CSF1R: variants seen among roughly 807,000 people sequenced by gnomAD.
The protein encoded by CSF1R is macrophage colony-stimulating factor 1 receptor.
In CSF1R, 40 loss-of-function variants were observed where a neutral mutation model predicts 110.0. The observed-to-expected ratio is 0.36, with a 90% CI of 0.28 to 0.47. The LOEUF is 0.47. Ranked by LOEUF, CSF1R falls within the 20% of genes least tolerant of loss-of-function variation. CSF1R has a pLI of 0.99. For synonymous variants in CSF1R, 523 were observed against 503.4 expected, an observed-to-expected ratio of 1.04 and a Z score of -0.52; for missense variants, 1,052 against 1,253.0, an observed-to-expected ratio of 0.84 and a Z score of 2.42.
At chr5:150,094,893 G>A in intron 1 of CSF1R, 1 of 1,254,804 alleles carries the variant, frequency 8.0e-7, no homozygotes, top group Admixed American at 1.9e-5. Context: ...CTATACTGTT[G>A]GAAAACGCTT....
intron 3 of CSF1R, among the ~76,000 whole-genome samples, chr5:150,078,987 C>T (rs569454831): frequency 3.3e-5 from 5 of 152,310 alleles, no homozygotes; most frequent in South Asian, 2.1e-4. Flanking sequence ...ATGTCAAATC[C>T]GTGACAGGAA....
chr5:150,099,043 GCCACC>G (rs1246196415), intron 1 of CSF1R, among the ~76,000 whole-genome samples: 1 of 149,088 alleles, frequency 6.7e-6, no homozygotes, highest in Non-Finnish European at 1.5e-5. Context: ...GCAGGTGCCC[GCCACC>G]ACACCCAGCT....
chr5:150,111,739 C>T (rs1209266769), intron 1 of CSF1R, among the ~76,000 whole-genome samples: 1 of 152,208 alleles, frequency 6.6e-6, no homozygotes, highest in African/African-American at 2.4e-5. Flanking sequence ...GGGCAAGTCA[C>T]TTCAAAACCT....
rs781384790 is a variant in CSF1R at position 150,061,603 on chromosome 5, G to T, written c.1754-8C>A. On this transcript the variant is annotated splice_polypyrimidine_tract_variant and splice_region_variant and intron_variant, in intron 11 of 20. Transcript: ENST00000675795. ...CAGCTCCGAGGGTCTTACCTGCCACGCACACAGGTCCCTTAAGTCCCTGGG... is the reference window on the plus strand; with the variant it reads ...CAGCTCCGAGGGTCTTACCTGCCACTCACACAGGTCCCTTAAGTCCCTGGG... 2.5e-6 allele frequency: 4 copies of T among 1,613,834 alleles called. No individual in the cohort carries two copies. Among genetic ancestry groups the T allele is most frequent in the Non-Finnish European group, 3.4e-6 (4 of 1,179,982 alleles).
chr5:150,070,546 G>T lies in CSF1R; in HGVS notation c.1108C>A (p.Arg370Ser), dbSNP rs1315261761. Residue 370 changes from arginine to serine, a missense_variant, in exon 7 of 21, where the codon CGC becomes AGC. By Grantham distance (110) the Arg-to-Ser change is moderately radical (BLOSUM62 -1). Transcript: ENST00000675795. ...YRHTFTLSLPRLKPSEAGRYS... is the reference protein window; with the variant it reads ...YRHTFTLSLPSLKPSEAGRYS... ...CGGCCAGCCTCAGAGGGCTTCAGGC[G>T]GGGCAGAGAGAGGGTGAAGGTGTGC... 3 of 1,544,410 alleles carry T rather than the reference G, an allele frequency of 1.9e-6. No homozygotes were observed. The Admixed American group carries it at 6.1e-5, about 31-fold the overall frequency.
intron 14 of CSF1R, chr5:150,058,019 C>A: frequency 5.6e-6 from 2 of 360,082 alleles, no homozygotes; most frequent in South Asian, 2.1e-5. Context: ...ACTTCGGGAG[C>A]TTTTAGGATC....
rs544779248 is a variant in CSF1R, at chr5:150,079,994, C to T, written c.592+58G>A. Reference sequence around the variant, plus strand: ...AGTCCCCAGTCACCACCCATGTGGCCGCCGGCTCTCTGTCCCCACTCTTCA... The same window carrying T: ...AGTCCCCAGTCACCACCCATGTGGCTGCCGGCTCTCTGTCCCCACTCTTCA... On this transcript the variant is annotated intron_variant, in intron 3 of 20. Transcript: ENST00000675795. 8.3e-5 allele frequency: 131 copies of T among 1,571,612 alleles called. 1 individual carries two copies. The highest frequency in any genetic ancestry group is 1.9e-4 in the Middle Eastern group (1 of 5,268).
At position 150,078,177 on chromosome 5, in the gene CSF1R, T is replaced by C; in HGVS notation, c.664A>G (p.Ile222Val). 1 of 1,614,100 alleles carries C rather than the reference T, an allele frequency of 6.2e-7. No homozygotes were observed. Among genetic ancestry groups the C allele is most frequent in the Non-Finnish European group, 8.5e-7 (1 of 1,180,006 alleles). The change falls in exon 4 of 21, where the codon ATC becomes GTC. Residue 222 changes from isoleucine to valine, a missense_variant. Physicochemically the swap from Ile to Val is conservative, Grantham distance 29. Coordinates refer to ENST00000675795, the MANE Select transcript of CSF1R (RefSeq NM_001288705.3). ...TCAACGCTGCTGGCTGAGCACACGA[T>C]CTGGGCAGCCTCCCCTCGAATCCGC... is the stretch of plus-strand genomic sequence containing the variant. Reference protein sequence around the residue: ...LVRIRGEAAQIVCSASSVDVN... With the variant: ...LVRIRGEAAQVVCSASSVDVN...
intron 18 of CSF1R, 26 bp from the exon 19 acceptor site, chr5:150,055,362 G>A (rs1424146654): frequency 6.3e-7 from 1 of 1,593,468 alleles, no homozygotes; most frequent in East Asian, 2.2e-5. Context: ...TCAGGTAAGA[G>A]GCCATGCCCA....
At chr5:150,104,363 T>A (rs1032961391) in intron 1 of CSF1R, among the ~76,000 whole-genome samples, 1 of 152,236 alleles carries the variant, frequency 6.6e-6, no homozygotes, top group African/African-American at 2.4e-5. Flanking sequence ...ATGCTGCTTG[T>A]CCTGTCATTT....
chr5:150,078,522 C>T (rs1419482527), intron 3 of CSF1R, among the ~76,000 whole-genome samples: 1 of 152,152 alleles, frequency 6.6e-6, no homozygotes, highest in Non-Finnish European at 1.5e-5. Context: ...TCCTCAGAGA[C>T]CTCCCTGCCT....
At chr5:150,054,297 C>T (rs1757081954) in intron 20 of CSF1R, 25 bp downstream of exon 20, 4 of 1,613,932 alleles carry the variant, frequency 2.5e-6, no homozygotes, top group Non-Finnish European at 3.4e-6. Flanking sequence ...TACCGGCCAC[C>T]CACCCCAAGC....
intron 2 of CSF1R, 140 bp downstream of exon 2, chr5:150,080,627 A>G (rs1243035779): frequency 9.0e-7 from 1 of 1,117,120 alleles, no homozygotes; most frequent in Non-Finnish European, 1.3e-6. Flanking sequence ...ACTGCATTAC[A>G]TTAGCAGCTC....
chr5:150,063,516 C>G (rs1453065113), intron 10 of CSF1R, among the ~76,000 whole-genome samples: 1 of 151,950 alleles, frequency 6.6e-6, no homozygotes, highest in Admixed American at 6.6e-5. Flanking sequence ...CCAGCCTTGA[C>G]TTTACCTTTT....
At chr5:150,082,401 A>G (rs1235252967) in intron 1 of CSF1R, among the ~76,000 whole-genome samples, 3 of 152,246 alleles carry the variant, frequency 2.0e-5, no homozygotes, top group Non-Finnish European at 4.4e-5. Context: ...TTTTGTATTC[A>G]TCAGAATGTG....
chr5:150,113,329 C>T lies in CSF1R; in HGVS notation c.-249G>A, dbSNP rs180988739. ...CCTCTTCTCTCTTCTCCACCTTCTCCTCACTTCGTGCTCTCACGCTTTTGG... is the reference window on the plus strand; with the variant it reads ...CCTCTTCTCTCTTCTCCACCTTCTCTTCACTTCGTGCTCTCACGCTTTTGG... On this transcript the variant is annotated 5_prime_UTR_variant, in exon 1 of 22. Coordinates refer to the CSF1R transcript ENST00000286301. The T allele has an allele frequency of 2.4e-3, 378 of 155,580 alleles. 2 individuals carry two copies. The highest frequency in any genetic ancestry group is 0.012 in the Middle Eastern group (10 of 856). The allele number at this position is 155,580 out of a possible 1,614,324, so 9.6% of individuals were successfully genotyped here.
At chr5:150,083,466 G>C (rs1758655067) in intron 1 of CSF1R, among the ~76,000 whole-genome samples, 1 of 150,882 alleles carries the variant, frequency 6.6e-6, no homozygotes, top group African/African-American at 2.4e-5. Context: ...TGAAGAGAGA[G>C]CCCCCCTCTC....
At chr5:150,100,914 C>T (rs1003012173) in intron 1 of CSF1R, among the ~76,000 whole-genome samples, 9 of 152,122 alleles carry the variant, frequency 5.9e-5, no homozygotes, top group Admixed American at 3.3e-4. Flanking sequence ...CACAATTATA[C>T]GCATGCTTGG....
chr5:150,094,215 C>A, intron 1 of CSF1R: 2 of 780,996 alleles, frequency 2.6e-6, no homozygotes, highest in Admixed American at 2.8e-5. Flanking sequence ...ATAGTGAAGA[C>A]AGAATCAATT....
Sources: allele counts gnomAD v4.1 joint callset (sites outside exome capture counted in the v4.1 genomes callset), GRCh38; gene constraint gnomAD v4.1.1; transcripts MANE v1.5; gene names NCBI Gene and HGNC (gene_info 2026-07-23, HGNC 2026-07-21).